GRIK4: variants seen among roughly 807,000 people sequenced by gnomAD.
GRIK4 encodes glutamate ionotropic receptor kainate type subunit 4.
In GRIK4, 40 loss-of-function variants were observed where a neutral mutation model predicts 104.9. The ratio of observed to expected loss-of-function variants is 0.38; its 90% confidence interval spans 0.30 to 0.50. The LOEUF is 0.50. GRIK4 is among the 20% of genes least tolerant of loss of function. GRIK4 has a pLI of 0.93. For missense variants in GRIK4, 1,047 were observed against 1,308.1 expected (o/e 0.80, Z 3.08); for synonymous variants, 485 against 524.9 (o/e 0.92, Z 1.04).
chr11:120,975,675 C>T (rs1944550034), intron 19 of GRIK4, among the ~76,000 whole-genome samples: 1 of 152,194 alleles, frequency 6.6e-6, no homozygotes, highest in South Asian at 2.1e-4. Flanking sequence ...GACCCCCTCA[C>T]CTCTACCCTG....
At position 120,941,006 on chromosome 11, in the gene GRIK4, C is replaced by T. The variant is rs543669943; in HGVS notation, c.1590+546C>T. ...GCTAGGTAGGCCAGGGTGAGTGTCA[C>T]AGTGAGTTTGTGAGAACACACCAAT... On this transcript the variant is annotated intron_variant, in intron 14 of 20. Coordinates refer to ENST00000527524, the MANE Select transcript of GRIK4 (RefSeq NM_014619.5). Among the ~76,000 whole-genome samples the T allele has an allele frequency of 3.3e-5, 5 of 152,340 alleles. No individual in the cohort carries two copies. In the South Asian group the frequency reaches 1.0e-3, roughly 32 times the overall value.
At chr11:120,658,486 A>G (rs1378988476) in intron 2 of GRIK4, among the ~76,000 whole-genome samples, 2 of 152,152 alleles carry the variant, frequency 1.3e-5, no homozygotes, top group African/African-American at 4.8e-5. Flanking sequence ...TTACACACCT[A>G]CTACCACTGC....
chr11:120,740,244 G>C (rs1169072644), intron 3 of GRIK4, among the ~76,000 whole-genome samples: 1 of 152,212 alleles, frequency 6.6e-6, no homozygotes, highest in Non-Finnish European at 1.5e-5. Flanking sequence ...CCTGAGCATA[G>C]CATGGGGTTG....
chr11:120,950,214 CGTCA>C (rs1362346431), intron 14 of GRIK4, among the ~76,000 whole-genome samples: 1 of 152,216 alleles, frequency 6.6e-6, no homozygotes, highest in Non-Finnish European at 1.5e-5. Context: ...TTCTGGTTGG[CGTCA>C]GTCAATCACA....
chr11:120,795,836 C>T (rs889076060), intron 3 of GRIK4, among the ~76,000 whole-genome samples: 7 of 152,066 alleles, frequency 4.6e-5, no homozygotes, highest in Non-Finnish European at 7.4e-5. Context: ...ATACTAAAAT[C>T]GGGGACACTC....
chr11:120,636,353 G>A (rs1010304091), intron 1 of GRIK4, among the ~76,000 whole-genome samples: 5 of 152,320 alleles, frequency 3.3e-5, no homozygotes, highest in Admixed American at 3.3e-4. Flanking sequence ...TCATAATCCA[G>A]GAAAGATGAA....
Position 120,855,425 on chromosome 11 carries a change from G to A in GRIK4, c.745-6534G>A, listed in dbSNP as rs577661364. Among the ~76,000 whole-genome samples the A allele has an allele frequency of 3.3e-5, 5 of 152,292 alleles. No homozygotes were observed. In the South Asian group the frequency reaches 1.0e-3, roughly 32 times the overall value. The stretch of plus-strand genomic sequence containing the variant: ...CTCAGTTTTGCCTGGCGCACAGTTG[G>A]TGGTCAGTAAATTGTAGTAGTTATT... On this transcript the variant is annotated intron_variant, in intron 8 of 20. Coordinates refer to ENST00000527524, the MANE Select transcript of GRIK4 (RefSeq NM_014619.5).
chr11:120,962,741 C>T (rs765136222), intron 18 of GRIK4, 60 bp downstream of exon 18: 2 of 1,112,910 alleles, frequency 1.8e-6, no homozygotes, highest in Non-Finnish European at 2.7e-6. Context: ...CAGGGTAGCT[C>T]AAACCACTGA....
intron 3 of GRIK4, among the ~76,000 whole-genome samples, chr11:120,664,930 G>C (rs1392202151): frequency 2.0e-5 from 3 of 152,040 alleles, no homozygotes; most frequent in Admixed American, 1.3e-4. Flanking sequence ...CTTGTTTAAG[G>C]TTTCCCTGTG....
chr11:120,674,839 A>G (rs1328691938), intron 3 of GRIK4, among the ~76,000 whole-genome samples: 1 of 152,192 alleles, frequency 6.6e-6, no homozygotes, highest in Non-Finnish European at 1.5e-5. Flanking sequence ...CACCAACCAC[A>G]AGCCTGAGTA....
At chr11:120,866,428 C>G (rs1954414462) in intron 9 of GRIK4, among the ~76,000 whole-genome samples, 1 of 152,218 alleles carries the variant, frequency 6.6e-6, no homozygotes. Context: ...GGGTCCCGTG[C>G]TGACTTGCTC....
chr11:120,790,312 T>C (rs924053993), intron 3 of GRIK4, among the ~76,000 whole-genome samples: 4 of 152,160 alleles, frequency 2.6e-5, no homozygotes, highest in African/African-American at 9.7e-5. Flanking sequence ...CCCATGTCAA[T>C]TAGAAAGCAA....
intron 3 of GRIK4, among the ~76,000 whole-genome samples, chr11:120,797,344 G>A (rs1444056507): frequency 1.3e-5 from 2 of 152,186 alleles, no homozygotes; most frequent in Non-Finnish European, 1.5e-5. Flanking sequence ...GAGCGTCCCA[G>A]CCCAGCCAGG....
intron 8 of GRIK4, chr11:120,859,496 C>T (rs1182481560): frequency 1.3e-5 from 2 of 152,192 alleles, no homozygotes; most frequent in Non-Finnish European, 2.9e-5. Flanking sequence ...AATGAGCCTT[C>T]ATCCATCGGG....
chr11:120,688,385 T>A (rs1468319540), intron 3 of GRIK4, among the ~76,000 whole-genome samples: 1 of 152,234 alleles, frequency 6.6e-6, no homozygotes, highest in Admixed American at 6.5e-5. Flanking sequence ...AGAGCAGCTC[T>A]TAGCTGGGTG....
intron 19 of GRIK4, among the ~76,000 whole-genome samples, chr11:120,969,744 T>C (rs1287236844): frequency 6.6e-6 from 1 of 152,220 alleles, no homozygotes; most frequent in Non-Finnish European, 1.5e-5. Flanking sequence ...TATTGTGCTC[T>C]GGAGCTTTCT....
chr11:120,916,467 T>C (rs1231364423), intron 13 of GRIK4, among the ~76,000 whole-genome samples: 1 of 152,196 alleles, frequency 6.6e-6, no homozygotes, highest in Non-Finnish European at 1.5e-5. Context: ...TGAAGGAAAG[T>C]ACAATGTCTT....
At chr11:120,512,138 C>T (rs947863836) in intron 1 of GRIK4, among the ~76,000 whole-genome samples, 1 of 151,342 alleles carries the variant, frequency 6.6e-6, no homozygotes, top group African/African-American at 2.4e-5. Flanking sequence ...GCCGAACCCC[C>T]CACCGCTCTG....
At chr11:120,920,572 C>G (rs1943206270) in intron 13 of GRIK4, among the ~76,000 whole-genome samples, 1 of 152,130 alleles carries the variant, frequency 6.6e-6, no homozygotes, top group Admixed American at 6.5e-5. Context: ...GCCCAGCAGC[C>G]TTCCAAGGTT....
Sources: gnomAD v4.1 joint callset for allele counts (sites outside exome capture counted in the v4.1 genomes callset) on GRCh38, gnomAD v4.1.1 for gene constraint, MANE v1.5 for transcripts, NCBI Gene and HGNC (gene_info 2026-07-23, HGNC 2026-07-21) for gene names.